LIPA: variants seen among roughly 807,000 people sequenced by gnomAD.
The protein encoded by LIPA is lysosomal acid lipase/cholesteryl ester hydrolase.
Under a neutral mutation model 40.6 loss-of-function variants are expected in LIPA, and 26 were observed. The ratio of observed to expected loss-of-function variants is 0.64; its 90% confidence interval spans 0.47 to 0.89. The LOEUF is 0.89. Ranked by LOEUF, LIPA falls within the 40% of genes least tolerant of loss-of-function variation. The pLI is 0.00. For synonymous variants in LIPA, 188 were observed against 168.4 expected (o/e 1.12, Z -0.90); for missense variants, 455 against 479.6 (o/e 0.95, Z 0.48).
chr10:89,391,389 G>GT (rs1407055945), intron 2 of LIPA, among the ~76,000 whole-genome samples: 1 of 145,876 alleles, frequency 6.9e-6, no homozygotes, highest in Non-Finnish European at 1.5e-5. Context: ...TTTTTTTTCA[G>GT]TTTTTTTGTA....
intron 2 of LIPA, among the ~76,000 whole-genome samples, chr10:89,360,105 T>C (rs1359725847): frequency 6.6e-6 from 1 of 152,212 alleles, no homozygotes; most frequent in Non-Finnish European, 1.5e-5. Flanking sequence ...CCTGACTCTC[T>C]GCTTCCTAAT....
rs34695743 is a variant in LIPA at position 89,262,228 on chromosome 10, C to CA, written c.-1-14580dup. The stretch of plus-strand genomic sequence containing the variant: ...GCACACACAAATGGACTGAACGTTC[C>CA]AAAAAAAAAAATCAGCATATACCAT... On this transcript the variant is annotated intron_variant, in intron 1 of 5. Coordinates refer to the LIPA transcript ENST00000282673. Among the ~76,000 whole-genome samples the CA allele has an allele frequency of 3.8e-3, 549 of 144,088 alleles. 1 individual carries two copies. Among genetic ancestry groups the CA allele is most frequent in the African/African-American group, 7.9e-3 (311 of 39,386 alleles). The allele number at this position is 144,088 out of a possible 152,430, so 94.5% of individuals were successfully genotyped here.
chr10:89,311,974 CCTCT>C (rs1304471895), intron 1 of LIPA, among the ~76,000 whole-genome samples: 1 of 152,110 alleles, frequency 6.6e-6, no homozygotes, highest in Non-Finnish European at 1.5e-5. Flanking sequence ...AGTTTTCTCT[CCTCT>C]CTCTCTGTCT....
chr10:89,403,856 T>C, intron 2 of LIPA: 1 of 593,588 alleles, frequency 1.7e-6, no homozygotes, highest in Non-Finnish European at 2.9e-6. Context: ...AAAATATTAG[T>C]TGTGTTCAAC....
chr10:89,370,654 T>C (rs974500014), intron 2 of LIPA, among the ~76,000 whole-genome samples: 2 of 152,160 alleles, frequency 1.3e-5, no homozygotes, highest in African/African-American at 4.8e-5. Context: ...CTGTACATTA[T>C]AGGATGTTTA....
chr10:89,363,215 C>G (rs1347276426), intron 2 of LIPA: 1 of 183,470 alleles, frequency 5.5e-6, no homozygotes, highest in Non-Finnish European at 1.2e-5. Context: ...AAGCTAAAGG[C>G]AGGATAGAGA....
At chr10:89,228,457 T>A in intron 3 of LIPA, 59 bp from the exon 4 acceptor site, 2 of 1,339,764 alleles carry the variant, frequency 1.5e-6, no homozygotes, top group Admixed American at 3.4e-5. Context: ...AAATATGATA[T>A]CTTGCTAAAT....
At chr10:89,260,147 C>T (rs1206132792) in intron 1 of LIPA, among the ~76,000 whole-genome samples, 2 of 152,172 alleles carry the variant, frequency 1.3e-5, no homozygotes, top group African/African-American at 4.8e-5. Context: ...CATTCATTAT[C>T]GTGTTGAATC....
intron 1 of LIPA, among the ~76,000 whole-genome samples, chr10:89,248,133 G>C (rs1843056534): frequency 6.7e-6 from 1 of 149,938 alleles, no homozygotes; most frequent in South Asian, 2.1e-4. Flanking sequence ...TCAAAGTGCT[G>C]GGATTACAGG....
chr10:89,223,806 G>T lies in LIPA; in HGVS notation c.700C>A (p.Leu234Ile). ...IKDLFGDKEF[L>I]PQSAFLKWLG... ...CACTTCAAAAACGCACTCTGGGGAA[G>T]AAATTCTTTGTCTCCAAATAAGTCC... Residue 234 changes from leucine (L) to isoleucine (I), a missense_variant, in exon 7 of 10, where the codon CTT (leucine) becomes ATT (isoleucine). Leu to Ile is a conservative substitution (Grantham distance 5). Transcript: ENST00000336233. 6.2e-7 allele frequency: 1 copy of T among 1,614,096 alleles called. No homozygotes were observed. The highest frequency in any genetic ancestry group is 8.5e-7 in the Non-Finnish European group (1 of 1,179,982).
intron 1 of LIPA, chr10:89,278,111 G>A (rs576682965): frequency 1.3e-5 from 2 of 152,268 alleles, no homozygotes; most frequent in South Asian, 4.1e-4. Flanking sequence ...GCCCTGGTGG[G>A]ACCAGCAAGA....
intron 1 of LIPA, among the ~76,000 whole-genome samples, chr10:89,261,626 A>T (rs1375507212): frequency 1.3e-5 from 2 of 152,226 alleles, no homozygotes; most frequent in African/African-American, 4.8e-5. Flanking sequence ...TACAAGATGA[A>T]ATAAATGTCT....
chr10:89,307,093 C>T (rs376313240), intron 1 of LIPA: 4 of 1,614,026 alleles, frequency 2.5e-6, no homozygotes, highest in African/African-American at 2.7e-5. Flanking sequence ...GGTATGGCAA[C>T]TTTCAGCTGT....
chr10:89,287,463 A>G (rs1470535743), intron 1 of LIPA, among the ~76,000 whole-genome samples: 1 of 152,100 alleles, frequency 6.6e-6, no homozygotes, highest in African/African-American at 2.4e-5. Flanking sequence ...AGGCTGAGAC[A>G]TTTTAACCAA....
At chr10:89,251,286 G>A (rs1453707136) in intron 1 of LIPA, among the ~76,000 whole-genome samples, 1 of 152,192 alleles carries the variant, frequency 6.6e-6, no homozygotes, top group Non-Finnish European at 1.5e-5. Context: ...GTATCGCTGG[G>A]ACTTTAACCA....
chr10:89,309,700 GA>G (rs756461438), intron 1 of LIPA, among the ~76,000 whole-genome samples: 2 of 152,176 alleles, frequency 1.3e-5, no homozygotes, highest in Non-Finnish European at 2.9e-5. Context: ...AAGAAGGGTA[GA>G]AAAGGGAAAC....
At chr10:89,311,847 A>G (rs1433619870) in intron 1 of LIPA, among the ~76,000 whole-genome samples, 1 of 152,162 alleles carries the variant, frequency 6.6e-6, no homozygotes, top group East Asian at 1.9e-4. Context: ...ATTTTTGTCA[A>G]TCTGATGAGT....
At chr10:89,395,471 C>G (rs1422276600) in intron 2 of LIPA, among the ~76,000 whole-genome samples, 1 of 152,116 alleles carries the variant, frequency 6.6e-6, no homozygotes, top group African/African-American at 2.4e-5. Flanking sequence ...TCTGTTATTT[C>G]ACATACTATT....
Position 89,247,558 on chromosome 10 carries a change from G to C in LIPA, c.91C>G (p.Pro31Ala), listed in dbSNP as rs1843043905. The C allele has an allele frequency of 6.2e-7, 1 of 1,608,888 alleles. No individual in the cohort carries two copies. Among genetic ancestry groups the C allele is most frequent in the Non-Finnish European group, 8.5e-7 (1 of 1,175,416 alleles). The change falls in exon 2 of 10, where the codon CCT (proline) becomes GCT (alanine). Residue 31 changes from proline (P) to alanine (A), a missense_variant. By Grantham distance (27) the Pro-to-Ala change is conservative. Coordinates refer to ENST00000336233, the MANE Select transcript of LIPA (RefSeq NM_000235.4). Reference protein sequence around the residue: ...GSGGKLTAVDPETNMNVSEII... With the variant: ...GSGGKLTAVDAETNMNVSEII... ...CTTACCACATTCATGTTTGTTTCAG[G>C]ATCCACAGCTGTCAGTTTCCCTCCA...
Sources: gnomAD v4.1 joint callset for allele counts (sites outside exome capture counted in the v4.1 genomes callset) on GRCh38, gnomAD v4.1.1 for gene constraint, MANE v1.5 for transcripts, NCBI Gene and HGNC (gene_info 2026-07-23, HGNC 2026-07-21) for gene names.